Variants in GABRG3 observed in about 807,000 individuals in gnomAD.
The protein encoded by GABRG3 is gamma-aminobutyric acid type A receptor subunit gamma3.
Under a neutral mutation model 48.8 loss-of-function variants are expected in GABRG3, and 25 were observed. The ratio of observed to expected loss-of-function variants is 0.51; its 90% CI spans 0.37 to 0.72. The LOEUF is 0.72. GABRG3 is among the 30% of genes least tolerant of loss of function. The probability of loss-of-function intolerance (pLI) is 0.00; values close to 1 mark genes in which losing one functional copy is unlikely to be tolerated. For synonymous variants in GABRG3, 227 were observed against 217.6 expected (o/e 1.04, Z -0.38); for missense variants, 394 against 577.9 (o/e 0.68, Z 3.26).
intron 3 of GABRG3, among the ~76,000 whole-genome samples, chr15:27,035,016 T>A (rs1896151562): frequency 6.6e-6 from 1 of 152,170 alleles, no homozygotes; most frequent in Non-Finnish European, 1.5e-5. Context: ...GCACCTGAAC[T>A]CACAGGTAAT....
In GABRG3 at chr15:27,319,897, C is replaced by T. The variant is rs73363159; in HGVS notation, c.271-6912C>T. On this transcript the variant is annotated intron_variant, in intron 3 of 9. Transcript: ENST00000615808. This position sits in a 1 kb window ranked among gnomAD's most constrained non-coding sequence, Gnocchi z 4.4. The stretch of plus-strand genomic sequence containing the variant: ...GGAGAATATAGCATTCAATGGGATG[C>T]GAATCTGAAAGCAGTCAGTGGGTTG... Among the ~76,000 whole-genome samples, 3,832 of 152,100 alleles carry T rather than the reference C, an allele frequency of 0.025. 153 individuals are homozygous for T. The highest frequency in any genetic ancestry group is 0.074 in the African/African-American group (3,064 of 41,456).
chr15:26,999,617 A>G (rs907639033), intron 2 of GABRG3, among the ~76,000 whole-genome samples: 12 of 152,094 alleles, frequency 7.9e-5, no homozygotes, highest in Non-Finnish European at 1.6e-4. Flanking sequence ...AAAAATACTT[A>G]GGGATCTTGA....
chr15:27,267,521 T>A (rs1437266245), intron 3 of GABRG3, among the ~76,000 whole-genome samples: 1 of 151,820 alleles, frequency 6.6e-6, no homozygotes, highest in Non-Finnish European at 1.5e-5. Context: ...TTCACTGCAG[T>A]CTCAACTTCC....
intron 3 of GABRG3, among the ~76,000 whole-genome samples, chr15:27,129,208 T>A (rs1308403132): frequency 1.3e-5 from 2 of 152,170 alleles, no homozygotes; most frequent in Non-Finnish European, 2.9e-5. Context: ...AAACAGTGAC[T>A]CCCCAGTCCT....
At chr15:27,495,944 C>G (rs1390295104) in intron 6 of GABRG3, among the ~76,000 whole-genome samples, 5 of 152,140 alleles carry the variant, frequency 3.3e-5, no homozygotes, top group Non-Finnish European at 5.9e-5. Flanking sequence ...TTGTATGAAG[C>G]CTCTTTTGAC....
At chr15:27,117,745 A>G (rs984219902) in intron 3 of GABRG3, among the ~76,000 whole-genome samples, 6 of 152,204 alleles carry the variant, frequency 3.9e-5, no homozygotes, top group African/African-American at 2.4e-5. Flanking sequence ...CTAATGAAAA[A>G]TAATTTAAAT....
At position 27,279,838 on chromosome 15, in the gene GABRG3, T is replaced by C. The variant is rs187022817; in HGVS notation, c.271-46971T>C. Among the ~76,000 whole-genome samples the C allele has an allele frequency of 2.9e-3, 449 of 152,304 alleles. 1 individual carries two copies. Among genetic ancestry groups the C allele is most frequent in the African/African-American group, 0.01 (426 of 41,570 alleles). On this transcript the variant is annotated intron_variant, in intron 3 of 9. Transcript: ENST00000615808. Reference sequence around the variant, plus strand: ...ATATTAAACTAACAGGTTAGCGTTATGATTAGAGCAGTGACATCTGAAATA... The same window carrying C: ...ATATTAAACTAACAGGTTAGCGTTACGATTAGAGCAGTGACATCTGAAATA...
At chr15:27,067,283 G>C (rs1002717580) in intron 3 of GABRG3, among the ~76,000 whole-genome samples, 1 of 152,184 alleles carries the variant, frequency 6.6e-6, no homozygotes, top group East Asian at 1.9e-4. Flanking sequence ...CTGGAAGTTC[G>C]TGTCTGTGTT....
intron 2 of GABRG3, among the ~76,000 whole-genome samples, chr15:26,986,088 G>T (rs1895146662): frequency 6.6e-6 from 1 of 152,078 alleles, no homozygotes; most frequent in Non-Finnish European, 1.5e-5. Flanking sequence ...ATGCACATCT[G>T]GTAACTGTGT....
At chr15:27,138,033 G>T (rs891981900) in intron 3 of GABRG3, among the ~76,000 whole-genome samples, 4 of 152,074 alleles carry the variant, frequency 2.6e-5, no homozygotes, top group Non-Finnish European at 5.9e-5. Flanking sequence ...CATTTAACTT[G>T]TTATTCCTAC....
At chr15:26,989,332 G>A (rs1345852646) in intron 2 of GABRG3, among the ~76,000 whole-genome samples, 2 of 152,132 alleles carry the variant, frequency 1.3e-5, no homozygotes, top group Admixed American at 1.3e-4. Flanking sequence ...CAGGCATTTT[G>A]ATTGTTTTTC....
chr15:27,057,691 G>T (rs141543876), intron 3 of GABRG3, among the ~76,000 whole-genome samples: 1 of 152,074 alleles, frequency 6.6e-6, no homozygotes, highest in African/African-American at 2.4e-5. Flanking sequence ...AGTAAAAACT[G>T]GTGTTGTTGT....
intron 3 of GABRG3, among the ~76,000 whole-genome samples, chr15:27,089,091 C>T (rs1298039955): frequency 6.6e-6 from 1 of 152,136 alleles, no homozygotes; most frequent in African/African-American, 2.4e-5. Flanking sequence ...CCAGGCACAT[C>T]CTCTGGAAGA....
intron 2 of GABRG3, among the ~76,000 whole-genome samples, chr15:27,006,441 T>C (rs1895586676): frequency 6.6e-6 from 1 of 152,180 alleles, no homozygotes; most frequent in African/African-American, 2.4e-5. Flanking sequence ...GCTCAAGTGA[T>C]CTGCCCACCT....
chr15:27,162,771 G>C (rs1268729063), intron 3 of GABRG3, among the ~76,000 whole-genome samples: 1 of 152,128 alleles, frequency 6.6e-6, no homozygotes, highest in Non-Finnish European at 1.5e-5. Flanking sequence ...GGAGGTATGA[G>C]GGTTCTGCAT....
chr15:27,501,774 G>GTT, intron 6 of GABRG3, among the ~76,000 whole-genome samples: 1 of 152,284 alleles, frequency 6.6e-6, no homozygotes, highest in South Asian at 2.1e-4. Flanking sequence ...TTGTGTGCAA[G>GTT]CACCTTTGAA....
At position 27,091,736 on chromosome 15, in the gene GABRG3, C is replaced by A. The variant is rs554061380; in HGVS notation, c.270+64915C>A. On this transcript the variant is annotated intron_variant, in intron 3 of 9. Transcript: ENST00000615808. ...CCCCTGTCAGGTCAAAACCAACAAA[C>A]GTGGTTCCTTGGGTATAAGATCCAC... is the stretch of plus-strand genomic sequence containing the variant. 5.3e-5 allele frequency among the ~76,000 whole-genome samples: 8 copies of A among 152,282 alleles called. No individual in the cohort carries two copies. The South Asian group carries it at 1.5e-3, about 28-fold the overall frequency.
chr15:27,061,718 C>G (rs1050054346), intron 3 of GABRG3, among the ~76,000 whole-genome samples: 1 of 152,068 alleles, frequency 6.6e-6, no homozygotes, highest in Non-Finnish European at 1.5e-5. Context: ...AAGTCTTTTC[C>G]CTGCTAACTG....
At chr15:27,388,027 GGAGGAAA>G (rs1352379021) in intron 5 of GABRG3, among the ~76,000 whole-genome samples, 4 of 124,960 alleles carry the variant, frequency 3.2e-5, no homozygotes, top group Admixed American at 7.8e-5. Flanking sequence ...GAGGAGGGAG[GGAGGAAA>G]GGAAGGAAGG....
Sources: gnomAD v4.1 joint callset for allele counts (sites outside exome capture counted in the v4.1 genomes callset) on GRCh38, gnomAD v4.1.1 for gene constraint, Gnocchi (gnomAD v3.1) non-coding constraint, MANE v1.5 for transcripts, NCBI Gene and HGNC (gene_info 2026-07-23, HGNC 2026-07-21) for gene names.